The following ABCC8 variants were observed in gnomAD, a reference collection of about 807,000 sequenced individuals.
The protein encoded by ABCC8 is ATP-binding cassette sub-family C member 8.
A neutral mutation model predicts 188.0 loss-of-function variants in ABCC8; 137 were observed. That is an observed-to-expected ratio of 0.73 (90% CI 0.63 to 0.84). The LOEUF (loss-of-function observed/expected upper bound fraction) is 0.84. ABCC8 is among the 40% of genes least tolerant of loss of function. The pLI is 0.00. For synonymous variants in ABCC8, 797 were observed against 846.5 expected (o/e 0.94, Z 1.01); for missense variants, 1,750 against 2,072.7 (o/e 0.84, Z 3.02).
At chr11:17,470,574 T>C (rs535195001) in intron 2 of ABCC8, among the ~76,000 whole-genome samples, 1 of 152,266 alleles carries the variant, frequency 6.6e-6, no homozygotes, top group Admixed American at 6.5e-5. Flanking sequence ...CCAGAGGCTG[T>C]GATAACAAAC....
Position 17,463,234 on chromosome 11 carries a change from C to G in ABCC8, c.579+204G>C, listed in dbSNP as rs3815066. ...CCATCACCCCCCTCTCCCTCTGGGA[C>G]CCTGGGGTAGAGCACACGTGGGCCA... is the stretch of plus-strand genomic sequence containing the variant. On this transcript the variant is annotated intron_variant, in intron 4 of 38. Transcript: ENST00000389817. Among the ~76,000 whole-genome samples the G allele has an allele frequency of 0.32, 48,859 of 152,054 alleles. 8,001 individuals are homozygous for G. Among genetic ancestry groups the G allele is most frequent in the Middle Eastern group, 0.5 (146 of 294 alleles).
At chr11:17,465,159 G>C (rs1164072784) in intron 3 of ABCC8, among the ~76,000 whole-genome samples, 1 of 152,212 alleles carries the variant, frequency 6.6e-6, no homozygotes, top group Non-Finnish European at 1.5e-5. Flanking sequence ...ATGTCCCCCA[G>C]CTCAGGCTGG....
rs750477376 is a variant in ABCC8 at position 17,460,721 on chromosome 11, T to A, written c.823-45A>T. The A allele has an allele frequency of 1.6e-5, 25 of 1,600,156 alleles. 1 individual carries two copies. In the South Asian group the frequency reaches 2.8e-4, roughly 18 times the overall value. On this transcript the variant is annotated intron_variant, in intron 5 of 38. Coordinates refer to ENST00000389817, the MANE Select transcript of ABCC8 (RefSeq NM_000352.6). ...CCAGGTCAGAGTGCCTGAGGGCTAA[T>A]TCACGGCTGGGCCTAGCCTCCCAGG...
intron 10 of ABCC8, among the ~76,000 whole-genome samples, chr11:17,436,612 T>C (rs928599016): frequency 1.3e-5 from 2 of 152,254 alleles, no homozygotes; most frequent in African/African-American, 4.8e-5. Context: ...GGAAGAACTA[T>C]GTTAAATAAT....
At chr11:17,433,183 A>G (rs1318480120) in intron 10 of ABCC8, among the ~76,000 whole-genome samples, 1 of 152,146 alleles carries the variant, frequency 6.6e-6, no homozygotes, top group Non-Finnish European at 1.5e-5. Flanking sequence ...AAATTTCCAG[A>G]GAGAGCAGCC....
chr11:17,432,111 C>A lies in ABCC8; in HGVS notation c.1671+93G>T, dbSNP rs932346665. The A allele has an allele frequency of 3.6e-5, 53 of 1,479,526 alleles. No homozygotes were observed. In the Admixed American group the frequency reaches 5.5e-4, roughly 15 times the overall value. The allele number at this position is 1,479,526 out of a possible 1,614,324, so 91.6% of individuals were successfully genotyped here. A position where few individuals can be genotyped will look rare whatever the true frequency, so the allele number is the denominator to read the frequency against. On this transcript the variant is annotated intron_variant, in intron 11 of 38. Transcript: ENST00000389817. ...GCTGTGGAGCCTGTCTTCTGAGGCC[C>A]CTGTGCAGAAAGGCCAAATCTGGGC...
rs770910823 is a variant in ABCC8, at chr11:17,428,524, A to G, written c.1923+41T>C. On this transcript the variant is annotated intron_variant, in intron 13 of 38. Transcript: ENST00000389817. ...AGCAGGCCCAAGTTTTGGGCCTTAG[A>G]GGACCATGCTGGGAGTAGCAAGGGG... 8 of 1,612,262 alleles carry G rather than the reference A, an allele frequency of 5.0e-6. No homozygotes were observed. In the African/African-American group the frequency reaches 6.7e-5, roughly 13 times the overall value.
rs1953698810 is a variant in ABCC8 at position 17,392,903 on chromosome 11, A to G, written c.*88T>C. On this transcript the variant is annotated 3_prime_UTR_variant, in exon 39 of 39. Transcript: ENST00000389817. Reference sequence around the variant, plus strand: ...CCTCTAGTAGGAAATAATCAAATCTATTTATTTACAAGTGATTTACAGTTA... The same window carrying G: ...CCTCTAGTAGGAAATAATCAAATCTGTTTATTTACAAGTGATTTACAGTTA... The G allele has an allele frequency of 4.1e-6, 6 of 1,470,092 alleles. No homozygotes were observed. The highest frequency in any genetic ancestry group is 5.7e-6 in the Non-Finnish European group (6 of 1,056,280). 91.1% of individuals were successfully genotyped at this position (1,470,092 alleles called of 1,614,324 possible).
chr11:17,466,885 C>A (rs111670666), intron 3 of ABCC8, among the ~76,000 whole-genome samples: 11,824 of 152,098 alleles, frequency 0.078, 657 homozygotes, highest in African/African-American at 0.16. Context: ...AGGCTGGTCT[C>A]GAACTTCTGA....
chr11:17,415,361 A>G (rs749573719), intron 17 of ABCC8, 22 bp from the exon 18 acceptor site: 3 of 1,608,536 alleles, frequency 1.9e-6, no homozygotes, highest in South Asian at 2.2e-5. Flanking sequence ...GAGGAAAGGC[A>G]TACTGAGCTC....
chr11:17,436,205 G>C, intron 10 of ABCC8: 1 of 675,860 alleles, frequency 1.5e-6, no homozygotes, highest in Non-Finnish European at 2.7e-6. Context: ...CTGGATGGAA[G>C]TGACCAGCTA....
At chr11:17,428,090 G>A in intron 14 of ABCC8, 148 bp from the exon 15 acceptor site, 1 of 1,582,402 alleles carries the variant, frequency 6.3e-7, no homozygotes, top group Non-Finnish European at 8.6e-7. Flanking sequence ...GTGGGAGACT[G>A]GCCTTCTCAT....
chr11:17,440,466 T>A (rs2133586973), intron 10 of ABCC8, among the ~76,000 whole-genome samples: 1 of 152,226 alleles, frequency 6.6e-6, no homozygotes, highest in Non-Finnish European at 1.5e-5. Context: ...CCTTCCAAAT[T>A]TCCCCTGTCT....
intron 10 of ABCC8, among the ~76,000 whole-genome samples, chr11:17,432,914 G>A (rs754837218): frequency 1.3e-5 from 2 of 152,138 alleles, no homozygotes; most frequent in Non-Finnish European, 2.9e-5. Context: ...CTACTTATAA[G>A]CTGTGTAACC....
intron 30 of ABCC8, 56 bp downstream of exon 30, chr11:17,398,283 C>G: frequency 3.1e-6 from 5 of 1,600,216 alleles, no homozygotes; most frequent in Non-Finnish European, 4.3e-6. Flanking sequence ...CCTGTGTGCT[C>G]TTGCTCTGGC....
chr11:17,454,474 C>T (rs1956921461), intron 6 of ABCC8, among the ~76,000 whole-genome samples: 1 of 152,050 alleles, frequency 6.6e-6, no homozygotes, highest in Non-Finnish European at 1.5e-5. Context: ...AGAGGAAGGC[C>T]CTACCGAGGC....
chr11:17,450,426 G>A (rs1591854277), intron 7 of ABCC8, among the ~76,000 whole-genome samples: 1 of 106,820 alleles, frequency 9.4e-6, no homozygotes, highest in Non-Finnish European at 1.8e-5. Flanking sequence ...TCAGAGTCTT[G>A]CTGTGTCGCC....
At chr11:17,394,054 T>C (rs904176137) in intron 37 of ABCC8, among the ~76,000 whole-genome samples, 4 of 152,174 alleles carry the variant, frequency 2.6e-5, no homozygotes, top group African/African-American at 9.7e-5. Flanking sequence ...TGTGTGTGTT[T>C]GCATAGTGTT....
At chr11:17,400,420 T>C (rs964936866) in intron 29 of ABCC8, among the ~76,000 whole-genome samples, 3 of 152,142 alleles carry the variant, frequency 2.0e-5, no homozygotes, top group African/African-American at 7.2e-5. Flanking sequence ...AGATGGGAGC[T>C]TCTGCCACAG....
Sources: allele counts gnomAD v4.1 joint callset (sites outside exome capture counted in the v4.1 genomes callset), GRCh38; gene constraint gnomAD v4.1.1; transcripts MANE v1.5; gene names NCBI Gene and HGNC (gene_info 2026-07-23, HGNC 2026-07-21).